Variants in EYS observed in about 807,000 individuals in gnomAD.
EYS encodes the protein EGF-like photoreceptor maintenance factor, also known as protein eyes shut homolog.
EYS carries 250 observed loss-of-function variants against 282.1 expected under a neutral mutation model. That is an observed-to-expected ratio of 0.89 (90% CI 0.80 to 0.98). EYS has a LOEUF of 0.98. Ranked by LOEUF, EYS falls within the 50% of genes least tolerant of loss-of-function variation. EYS has a pLI of 0.00. For synonymous variants in EYS, 1,355 were observed against 1,282.9 expected (o/e 1.06, Z -1.20); for missense variants, 4,016 against 3,709.0 (o/e 1.08, Z -2.15).
intron 22 of EYS, among the ~76,000 whole-genome samples, chr6:64,804,425 A>T (rs1764361638): frequency 6.6e-6 from 1 of 152,170 alleles, no homozygotes; most frequent in African/African-American, 2.4e-5. Context: ...ACCATTTTTT[A>T]CTATTTATCT....
chr6:64,550,763 T>A (rs1337353017), intron 26 of EYS, among the ~76,000 whole-genome samples: 1 of 152,004 alleles, frequency 6.6e-6, no homozygotes, highest in East Asian at 1.9e-4. Flanking sequence ...TTCAGCAAAG[T>A]CTCAGGATAC....
intron 26 of EYS, among the ~76,000 whole-genome samples, chr6:64,553,602 C>A (rs566808812): frequency 7.4e-6 from 1 of 135,912 alleles, no homozygotes; most frequent in Admixed American, 8.5e-5. Context: ...CTAGCAATCA[C>A]TATAGCAACA....
intron 19 of EYS, among the ~76,000 whole-genome samples, chr6:64,844,651 T>C (rs932583572): frequency 6.6e-6 from 1 of 152,110 alleles, no homozygotes; most frequent in African/African-American, 2.4e-5. Context: ...GAAACCCTCT[T>C]TAGGGGAAGC....
At chr6:65,339,859 C>G (rs1388945084) in intron 10 of EYS, among the ~76,000 whole-genome samples, 1 of 151,042 alleles carries the variant, frequency 6.6e-6, no homozygotes, top group Non-Finnish European at 1.5e-5. Flanking sequence ...CTTAAACTGG[C>G]AAGAGGTTGG....
chr6:64,129,961 AGG>A (rs1416798463), intron 31 of EYS, among the ~76,000 whole-genome samples: 1 of 152,114 alleles, frequency 6.6e-6, no homozygotes, highest in Non-Finnish European at 1.5e-5. Flanking sequence ...ATTATTTCTG[AGG>A]GCTCTGTTCT....
intron 31 of EYS, among the ~76,000 whole-genome samples, chr6:64,149,681 T>C (rs765752241): frequency 6.6e-6 from 1 of 152,198 alleles, no homozygotes; most frequent in African/African-American, 2.4e-5. Context: ...GGAACTAAAA[T>C]AGAGAGGTTA....
At chr6:65,192,224 A>AC (rs1219533544) in intron 12 of EYS, among the ~76,000 whole-genome samples, 1 of 151,560 alleles carries the variant, frequency 6.6e-6, no homozygotes, top group Admixed American at 6.6e-5. Context: ...CAATTAGAAA[A>AC]AATATGGATA....
At chr6:65,072,519 G>T (rs928348653) in intron 12 of EYS, among the ~76,000 whole-genome samples, 4 of 151,616 alleles carry the variant, frequency 2.6e-5, no homozygotes, top group African/African-American at 9.7e-5. Flanking sequence ...TTATTTAAAA[G>T]AAATGGAACA....
At chr6:65,060,493 C>T (rs1773537561) in intron 12 of EYS, among the ~76,000 whole-genome samples, 1 of 151,860 alleles carries the variant, frequency 6.6e-6, no homozygotes, top group African/African-American at 2.4e-5. Flanking sequence ...TTTACAGGAA[C>T]ATCATGGTCT....
chr6:64,700,323 C>T (rs905909970), intron 22 of EYS, among the ~76,000 whole-genome samples: 1 of 151,994 alleles, frequency 6.6e-6, no homozygotes, highest in South Asian at 2.1e-4. Flanking sequence ...AGAACTGGAA[C>T]AAGACAAAGA....
At chr6:63,971,842 A>G (rs1192975902) in intron 35 of EYS, among the ~76,000 whole-genome samples, 1 of 152,240 alleles carries the variant, frequency 6.6e-6, no homozygotes, top group African/African-American at 2.4e-5. Flanking sequence ...CATAAGTTCT[A>G]TTAATCTCAG....
intron 12 of EYS, among the ~76,000 whole-genome samples, chr6:65,244,193 T>A (rs1767122700): frequency 6.6e-6 from 1 of 152,192 alleles, no homozygotes; most frequent in Non-Finnish European, 1.5e-5. Context: ...TACAACTTTT[T>A]TTGTGAATAG....
At position 65,628,323 on chromosome 6, in the gene EYS, G is replaced by A. The variant is rs572548986; in HGVS notation, c.-333+11455C>T. ...TCTAATGGGGATGTGAAGAACCTTT[G>A]TATCTAGCTCAGGGATTGTAAACGC... is the stretch of plus-strand genomic sequence containing the variant. On this transcript the variant is annotated intron_variant, in intron 2 of 42. Transcript: ENST00000503581. 1.4e-4 allele frequency among the ~76,000 whole-genome samples: 21 copies of A among 151,946 alleles called. No homozygotes were observed. The South Asian group carries it at 4.2e-3, about 30-fold the overall frequency.
chr6:65,487,057 G>C (rs1206310346), intron 5 of EYS, among the ~76,000 whole-genome samples: 2 of 152,142 alleles, frequency 1.3e-5, no homozygotes, highest in Non-Finnish European at 2.9e-5. Context: ...TTCCTTATCA[G>C]CTTAAGGAGA....
At chr6:65,141,921 A>T (rs905026948) in intron 12 of EYS, among the ~76,000 whole-genome samples, 3 of 152,030 alleles carry the variant, frequency 2.0e-5, no homozygotes, top group African/African-American at 4.8e-5. Flanking sequence ...CTCTAAAAAA[A>T]TTTTTGAGGA....
chr6:65,643,683 C>A (rs905371823), intron 1 of EYS, among the ~76,000 whole-genome samples: 2 of 152,144 alleles, frequency 1.3e-5, no homozygotes, highest in Non-Finnish European at 2.9e-5. Flanking sequence ...CCACCTCACT[C>A]CCCTACTATC....
At chr6:63,844,003 C>G (rs1772032718) in intron 36 of EYS, among the ~76,000 whole-genome samples, 1 of 152,180 alleles carries the variant, frequency 6.6e-6, no homozygotes, top group Non-Finnish European at 1.5e-5. Context: ...GATGCTTTCC[C>G]TCAGCCCACA....
chr6:64,004,704 G>A (rs372335922), intron 33 of EYS, among the ~76,000 whole-genome samples: 4 of 152,088 alleles, frequency 2.6e-5, no homozygotes, highest in Admixed American at 6.6e-5. Flanking sequence ...ACTTGTAAAC[G>A]AGATTGTGTG....
At position 63,963,858 on chromosome 6, in the gene EYS, T is replaced by C. The variant is rs146486634; in HGVS notation, c.7055+20525A>G. Among the ~76,000 whole-genome samples the C allele has an allele frequency of 4.9e-3, 741 of 152,330 alleles. 7 individuals carry two copies. Among genetic ancestry groups the C allele is most frequent in the African/African-American group, 0.016 (683 of 41,578 alleles). ...ATTCATTTCTCACATTGAGCACCTA[T>C]AAGATCTATGTTCTTTGACCTATGG... On this transcript the variant is annotated intron_variant, in intron 35 of 42. Coordinates refer to ENST00000503581, the MANE Select transcript of EYS (RefSeq NM_001142800.2).
Sources: allele counts gnomAD v4.1 joint callset (sites outside exome capture counted in the v4.1 genomes callset), GRCh38; gene constraint gnomAD v4.1.1; transcripts MANE v1.5; gene names NCBI Gene and HGNC (gene_info 2026-07-23, HGNC 2026-07-21).